The following OGFOD2 variants were observed in gnomAD, a reference collection of about 807,000 sequenced individuals.
OGFOD2 encodes the protein 2-oxoglutarate and iron-dependent oxygenase domain-containing protein 2.
In OGFOD2, 34 loss-of-function variants were observed where a neutral mutation model predicts 31.1. That is an observed-to-expected ratio of 1.09 (90% CI 0.83 to 1.45). The LOEUF (loss-of-function observed/expected upper bound fraction) is 1.45, where lower values mean the gene tolerates loss of function less well. Among genes scored for constraint, OGFOD2 ranks in the 40% most tolerant of loss-of-function variants. OGFOD2 has a pLI of 0.00. For synonymous variants in OGFOD2, 240 were observed against 192.3 expected, an observed-to-expected ratio of 1.25 and a Z score of -2.05; for missense variants, 537 against 433.9, an observed-to-expected ratio of 1.24 and a Z score of -2.11.
upstream of OGFOD2, chr12:122,974,814 G>A (rs1273160764): frequency 1.3e-5 from 2 of 157,684 alleles, no homozygotes; most frequent in African/African-American, 4.8e-5. Context: ...AACGTACAGG[G>A]CTGGATGATT....
At chr12:122,978,365 G>A in intron 4 of OGFOD2, 77 bp from the exon 5 acceptor site, 3 of 1,575,786 alleles carry the variant, frequency 1.9e-6, no homozygotes, top group East Asian at 2.3e-5. Flanking sequence ...CACAGGTGAT[G>A]AAACAGGAAG....
At chr12:122,977,522 GTGT>G (rs2037468146) in intron 4 of OGFOD2, 3 of 199,838 alleles carry the variant, frequency 1.5e-5, no homozygotes, top group South Asian at 1.6e-4. Flanking sequence ...GGAGGTTTGC[GTGT>G]TGTTTAACCT....
At position 122,979,152 on chromosome 12, in the gene OGFOD2, G is replaced by A. The variant is rs1358910932; in HGVS notation, c.859G>A (p.Gly287Ser). ...GGGCCAGGGTGTCCTCCACCGTGGC[G>A]GCCAGCTGCATGGAGCCCGGCCCTT... is the stretch of plus-strand genomic sequence containing the variant. Residue 287 changes from glycine (G) to serine (S), a missense_variant, in exon 7 of 7, where the codon GGC (glycine) becomes AGC (serine). Coordinates refer to ENST00000228922, the Ensembl canonical transcript of OGFOD2. 6.8e-6 allele frequency: 11 copies of A among 1,609,718 alleles called. No homozygotes were observed. The highest frequency in any genetic ancestry group is 2.7e-5 in the African/African-American group (2 of 74,884).
rs1233786776 is a variant in OGFOD2 at position 122,978,581 on chromosome 12, C to T, written c.531+12C>T. 6.2e-7 allele frequency: 1 copy of T among 1,608,874 alleles called. No individual in the cohort carries two copies. Among genetic ancestry groups the T allele is most frequent in the Non-Finnish European group, 8.5e-7 (1 of 1,176,432 alleles). The stretch of plus-strand genomic sequence containing the variant: ...TGAACAACTACGGGGTGGGTGAGGC[C>T]TGGCCGGTGGCAGAGGAGGGGGTGG... On this transcript the variant is annotated intron_variant, in intron 5 of 6. Transcript: ENST00000228922.
At chr12:122,976,090 A>C (rs2037419017) in intron 2 of OGFOD2, 1 of 596,876 alleles carries the variant, frequency 1.7e-6, no homozygotes, top group South Asian at 2.0e-5. Context: ...TGCCGTTCTT[A>C]ACAGCTCTGT....
At chr12:122,975,366 C>T (rs1351033594) in exon 1 of OGFOD2, 1 of 700,740 alleles carries the variant, frequency 1.4e-6, no homozygotes, top group Admixed American at 2.0e-5. Context: ...GCAGCAGCTG[C>T]GCCGGGACTA....
exon 7 of OGFOD2, chr12:122,979,491 C>G: frequency 9.5e-7 from 1 of 1,057,708 alleles, no homozygotes; most frequent in South Asian, 1.7e-5. Context: ...GGCAAAGATG[C>G]TGCCTTAGTT....
chr12:122,976,212 C>T (rs1008999494), intron 2 of OGFOD2: 4 of 617,338 alleles, frequency 6.5e-6, no homozygotes, highest in Non-Finnish European at 1.2e-5. Flanking sequence ...CCACAGCTTC[C>T]AGGCCCCTGG....
chr12:122,979,613 C>G (rs1055128872), exon 7 of OGFOD2: 60 of 506,494 alleles, frequency 1.2e-4, no homozygotes, highest in African/African-American at 1.0e-3. Flanking sequence ...CGTCCAGCCT[C>G]AGCTGGCCCC....
exon 6 of OGFOD2, chr12:122,978,830 C>G: frequency 6.2e-7 from 1 of 1,612,770 alleles, no homozygotes; most frequent in Non-Finnish European, 8.5e-7. Flanking sequence ...CGCTGATGGC[C>G]CTGCTGTACC....
Position 122,977,016 on chromosome 12 carries a change from C to G in OGFOD2, c.403+46C>G, listed in dbSNP as rs1459589375. On this transcript the variant is annotated intron_variant, in intron 4 of 6. Transcript: ENST00000228922. ...CCTGGCAGGACCAGGGAATGGCAGC[C>G]TGGGAAACCTGGGTGTGGGATGCTG... 7 of 1,554,272 alleles carry G rather than the reference C, an allele frequency of 4.5e-6. No homozygotes were observed. The South Asian group carries it at 7.8e-5, about 17-fold the overall frequency.
chr12:122,975,044 C>G (rs895801584), upstream of OGFOD2: 4 of 463,484 alleles, frequency 8.6e-6, no homozygotes, highest in African/African-American at 5.9e-5. Context: ...AGTGGGAAAA[C>G]TGGGAGGCGG....
intron 4 of OGFOD2, 174 bp from the exon 5 acceptor site, chr12:122,978,268 G>C: frequency 1.4e-6 from 1 of 717,054 alleles, no homozygotes; most frequent in East Asian, 2.9e-5. Context: ...ATAAGTGGGG[G>C]GCATGGGAAT....
chr12:122,976,447 C>G, intron 2 of OGFOD2: 1 of 1,603,882 alleles, frequency 6.2e-7, no homozygotes, highest in Admixed American at 1.7e-5. Context: ...GTTGGGGCAG[C>G]CTGAAACAGG....
At position 122,978,334 on chromosome 12, in the gene OGFOD2, G is replaced by C. The variant is rs984173662; in HGVS notation, c.404-108G>C. 1.1e-5 allele frequency: 16 copies of C among 1,409,056 alleles called. No homozygotes were observed. The South Asian group carries it at 2.1e-4, about 18-fold the overall frequency. The allele number at this position is 1,409,056 out of a possible 1,614,324, so 87.3% of individuals were successfully genotyped here. ...TAAGTCATCACAATAGCCCTGAAAA[G>C]CAAAGGCCTCATCTCCATGGCACAG... On this transcript the variant is annotated intron_variant, in intron 4 of 6. Transcript: ENST00000228922.
At chr12:122,977,270 C>T (rs556440673) in intron 4 of OGFOD2, 7 of 417,904 alleles carry the variant, frequency 1.7e-5, no homozygotes, top group African/African-American at 1.4e-4. Context: ...CAGGGCTGAT[C>T]CAAGATCTTA....
At chr12:122,975,294 T>G in exon 1 of OGFOD2, 1 of 695,784 alleles carries the variant, frequency 1.4e-6, no homozygotes, top group Non-Finnish European at 2.6e-6. Flanking sequence ...CCGCTGCGCC[T>G]GCTTCTGCAC....
chr12:122,977,427 A>C (rs142650893), intron 4 of OGFOD2: 1 of 208,162 alleles, frequency 4.8e-6, no homozygotes, highest in East Asian at 1.3e-4. Flanking sequence ...CCAAACTCCA[A>C]GTAGGGCAAA....
In OGFOD2 at chr12:122,976,856, G is replaced by A; in HGVS notation, c.304-15G>A. The A allele has an allele frequency of 6.3e-7, 1 of 1,598,908 alleles. No individual in the cohort carries two copies. Among genetic ancestry groups the A allele is most frequent in the South Asian group, 1.1e-5 (1 of 89,866 alleles). On this transcript the variant is annotated splice_polypyrimidine_tract_variant and intron_variant, in intron 3 of 6. Transcript: ENST00000228922. ...GGGTGCTGCCTGCCCCACAGCTGGT[G>A]TGTTTTGCTCCCAGGATGCAGCTCT...
Sources: gnomAD v4.1 joint callset for allele counts on GRCh38, gnomAD v4.1.1 for gene constraint, MANE v1.5 for transcripts, NCBI Gene and HGNC (gene_info 2026-07-23, HGNC 2026-07-21) for gene names.